GRIN3A: variants seen among roughly 807,000 people sequenced by gnomAD.
The protein encoded by GRIN3A is glutamate receptor ionotropic, NMDA 3A.
GRIN3A carries 47 observed loss-of-function variants against 92.4 expected under a neutral mutation model. The ratio of observed to expected loss-of-function variants is 0.51; its 90% CI spans 0.40 to 0.65. The LOEUF is 0.65. GRIN3A is among the 30% of genes least tolerant of loss of function. GRIN3A has a pLI of 0.00. For synonymous variants in GRIN3A, 527 were observed against 540.6 expected, an observed-to-expected ratio of 0.97 and a Z score of 0.35; for missense variants, 1,324 against 1,393.1, an observed-to-expected ratio of 0.95 and a Z score of 0.79.
intron 1 of GRIN3A, among the ~76,000 whole-genome samples, chr9:101,700,099 T>A (rs1037017214): frequency 6.6e-6 from 1 of 152,196 alleles, no homozygotes; most frequent in East Asian, 1.9e-4. Flanking sequence ...ATAGTCATTA[T>A]TAGTCTACTC....
rs556006992 is a variant in GRIN3A, at chr9:101,573,031, C to T, written c.*143G>A. The T allele has an allele frequency of 1.1e-3, 772 of 709,862 alleles. 5 individuals carry two copies. The highest frequency in any genetic ancestry group is 3.7e-3 in the South Asian group (229 of 62,472). 44.0% of individuals were successfully genotyped at this position (709,862 alleles called of 1,614,324 possible). On this transcript the variant is annotated 3_prime_UTR_variant, in exon 9 of 9. Coordinates refer to ENST00000361820, the MANE Select transcript of GRIN3A (RefSeq NM_133445.3). The stretch of plus-strand genomic sequence containing the variant: ...AGAGGAGCTGCTGCTGCACTTTAGG[C>T]GAGGGAGAGCAGACTTGACCTTTAA...
At position 101,573,119 on chromosome 9, in the gene GRIN3A, G is replaced by T; in HGVS notation, c.*55C>A. 7.1e-7 allele frequency: 1 copy of T among 1,414,532 alleles called. No homozygotes were observed. The highest frequency in any genetic ancestry group is 1.0e-6 in the Non-Finnish European group (1 of 998,568). 87.6% of individuals were successfully genotyped at this position (1,414,532 alleles called of 1,614,324 possible). Reference sequence around the variant, plus strand: ...TAGTTACAAAAGAGCATTACAAAGTGTCTCAAGGGCTCAGAGGAAGGTCAG... The same window carrying T: ...TAGTTACAAAAGAGCATTACAAAGTTTCTCAAGGGCTCAGAGGAAGGTCAG... On this transcript the variant is annotated 3_prime_UTR_variant, in exon 9 of 9. Coordinates refer to ENST00000361820, the MANE Select transcript of GRIN3A (RefSeq NM_133445.3).
intron 1 of GRIN3A, among the ~76,000 whole-genome samples, chr9:101,700,080 T>A (rs1158144537): frequency 6.6e-6 from 1 of 152,160 alleles, no homozygotes; most frequent in African/African-American, 2.4e-5. Flanking sequence ...CAATAACTTA[T>A]TACATGTTAT....
At chr9:101,635,031 C>G (rs149007059) in intron 3 of GRIN3A, among the ~76,000 whole-genome samples, 2 of 152,312 alleles carry the variant, frequency 1.3e-5, no homozygotes, top group East Asian at 3.9e-4. Flanking sequence ...TGCTGCAGTT[C>G]TTTTTCATGT....
intron 3 of GRIN3A, among the ~76,000 whole-genome samples, chr9:101,643,559 A>G (rs1828894607): frequency 6.6e-6 from 1 of 152,088 alleles, no homozygotes; most frequent in Non-Finnish European, 1.5e-5. Context: ...GTATATATTC[A>G]AAGGAACTGA....
Position 101,738,006 on chromosome 9 carries a change from G to A in GRIN3A, c.-27C>T. The A allele has an allele frequency of 2.0e-6, 3 of 1,517,044 alleles. No homozygotes were observed. The highest frequency in any genetic ancestry group is 2.7e-6 in the Non-Finnish European group (3 of 1,131,796). The allele number at this position is 1,517,044 out of a possible 1,614,324, so 94.0% of individuals were successfully genotyped here. ...ACTGAGACCCGCAGGGAGAAAGCGC[G>A]CCCCCTCCTGCGCCCGGCTCGCCCC... On this transcript the variant is annotated 5_prime_UTR_variant, in exon 1 of 9. Coordinates refer to ENST00000361820, the MANE Select transcript of GRIN3A (RefSeq NM_133445.3).
At chr9:101,655,268 T>C (rs1829070292) in intron 3 of GRIN3A, among the ~76,000 whole-genome samples, 2 of 151,896 alleles carry the variant, frequency 1.3e-5, no homozygotes, top group African/African-American at 4.8e-5. Context: ...ATTTGGTACA[T>C]GACCTAAAGC....
chr9:101,645,329 T>C lies in GRIN3A; in HGVS notation c.2353-16928A>G, dbSNP rs146951908. 9.1e-3 allele frequency among the ~76,000 whole-genome samples: 1,386 copies of C among 151,840 alleles called. 23 individuals are homozygous for C. Among genetic ancestry groups the C allele is most frequent in the African/African-American group, 0.032 (1,312 of 41,512 alleles). On this transcript the variant is annotated intron_variant, in intron 3 of 8. Coordinates refer to ENST00000361820, the MANE Select transcript of GRIN3A (RefSeq NM_133445.3). ...CATCAGTTTTGCTGCGAATGACAAG[T>C]TCTTTTTATGGCTGTATAGTGTTCC...
At chr9:101,632,020 C>T (rs1306381684) in intron 3 of GRIN3A, among the ~76,000 whole-genome samples, 1 of 152,226 alleles carries the variant, frequency 6.6e-6, no homozygotes, top group African/African-American at 2.4e-5. Context: ...CTCTAAGGTT[C>T]AGCATGTTTG....
rs527877464 is a variant in GRIN3A, at chr9:101,727,416, A to AT, written c.699+9864dup. On this transcript the variant is annotated intron_variant, in intron 1 of 8. Transcript: ENST00000361820. ...TTAGAATTATCCACAAAGAGCATAG[A>AT]TTTTTTTATAATCAGAAATAAAGGA... Among the ~76,000 whole-genome samples, 9 of 152,272 alleles carry AT rather than the reference A, an allele frequency of 5.9e-5. No individual in the cohort carries two copies. In the East Asian group the frequency reaches 1.2e-3, roughly 20 times the overall value.
In GRIN3A at chr9:101,738,143, G is replaced by C. The variant is rs532258751; in HGVS notation, c.-164C>G. ...GTCTCTAGGCCATGCAAGTTGGAGC[G>C]TAGCGCGCCTCCGGCAGTCTCAGAT... On this transcript the variant is annotated 5_prime_UTR_variant, in exon 1 of 9. The change creates a premature stop within an existing upstream ORF in the 5' untranslated region. Coordinates refer to ENST00000361820, the MANE Select transcript of GRIN3A (RefSeq NM_133445.3). 83 of 699,576 alleles carry C rather than the reference G, an allele frequency of 1.2e-4. No homozygotes were observed. Among genetic ancestry groups the C allele is most frequent in the Non-Finnish European group, 5.1e-6 (2 of 393,766 alleles). The allele number at this position is 699,576 out of a possible 1,614,324, so 43.3% of individuals were successfully genotyped here. A position where few individuals can be genotyped will look rare whatever the true frequency, so the allele number is the denominator to read the frequency against.
intron 1 of GRIN3A, among the ~76,000 whole-genome samples, chr9:101,709,874 G>A (rs955933857): frequency 1.2e-4 from 18 of 152,128 alleles, no homozygotes; most frequent in Admixed American, 1.1e-3. Context: ...TCCTTTTTCA[G>A]TTATGAAAGA....
chr9:101,685,957 A>T (rs1829528430), intron 2 of GRIN3A, among the ~76,000 whole-genome samples: 1 of 152,090 alleles, frequency 6.6e-6, no homozygotes, highest in African/African-American at 2.4e-5. Context: ...AACTTGATTA[A>T]GTCACTCAAG....
intron 6 of GRIN3A, among the ~76,000 whole-genome samples, chr9:101,596,960 C>T (rs543074434): frequency 1.9e-3 from 289 of 152,264 alleles, no homozygotes; most frequent in African/African-American, 6.2e-3. Flanking sequence ...AAACCAAGTA[C>T]GGGACCTTAT....
At chr9:101,595,001 C>G in intron 6 of GRIN3A, 2 of 1,394,946 alleles carry the variant, frequency 1.4e-6, no homozygotes, top group Admixed American at 2.1e-5. Context: ...GGCTCGTGCC[C>G]GGACGGTTGG....
chr9:101,687,668 A>C (rs959947250), intron 1 of GRIN3A, among the ~76,000 whole-genome samples: 13 of 152,240 alleles, frequency 8.5e-5, no homozygotes, highest in African/African-American at 3.1e-4. Flanking sequence ...TATAAGGATG[A>C]TGTGAAAGAT....
intron 6 of GRIN3A, chr9:101,594,913 G>A (rs770834555): frequency 4.4e-6 from 7 of 1,598,670 alleles, no homozygotes; most frequent in Admixed American, 1.7e-5. Context: ...AACTGGCCTC[G>A]TTTCCCATTG....
At position 101,737,649 on chromosome 9, in the gene GRIN3A, G is replaced by C; in HGVS notation, c.331C>G (p.Arg111Gly). Reference sequence around the variant, plus strand: ...GCCCTGGCGCCCTCCCCGGGCTTACGGGAGCCCGGCGGCCCCCGGCCATGC... The same window carrying C: ...GCCCTGGCGCCCTCCCCGGGCTTACCGGAGCCCGGCGGCCCCCGGCCATGC... Reference protein sequence around the residue: ...TLHGRGPPGSRKPGEGARAEA... With the variant: ...TLHGRGPPGSGKPGEGARAEA... The change falls in exon 1 of 9, where the codon CGT becomes GGT. Residue 111 changes from arginine (R) to glycine (G), a missense_variant. Transcript: ENST00000361820. 4.4e-6 allele frequency: 7 copies of C among 1,606,812 alleles called. No homozygotes were observed. The highest frequency in any genetic ancestry group is 5.9e-6 in the Non-Finnish European group (7 of 1,178,100).
chr9:101,613,253 A>C, intron 6 of GRIN3A, 123 bp downstream of exon 6: 1 of 1,065,124 alleles, frequency 9.4e-7, no homozygotes, highest in Non-Finnish European at 1.4e-6. Flanking sequence ...AATAATCCAA[A>C]TATTATGCAA....
Sources: allele counts gnomAD v4.1 joint callset (sites outside exome capture counted in the v4.1 genomes callset), GRCh38; gene constraint gnomAD v4.1.1; transcripts MANE v1.5; gene names NCBI Gene and HGNC (gene_info 2026-07-23, HGNC 2026-07-21).